The following ARHGAP44 variants were observed in gnomAD, a reference collection of about 807,000 sequenced individuals.
The protein encoded by ARHGAP44 is rho GTPase-activating protein 44.
Under a neutral mutation model 106.8 loss-of-function variants are expected in ARHGAP44, and 43 were observed. The ratio of observed to expected loss-of-function variants is 0.40; its 90% CI spans 0.32 to 0.52. ARHGAP44 has a LOEUF of 0.52. Ranked by LOEUF, ARHGAP44 falls within the 20% of genes least tolerant of loss-of-function variation. ARHGAP44 has a pLI of 0.48. For synonymous variants in ARHGAP44, 439 were observed against 410.3 expected (o/e 1.07, Z -0.85); for missense variants, 866 against 1,050.5 (o/e 0.82, Z 2.43).
intron 6 of ARHGAP44, among the ~76,000 whole-genome samples, chr17:12,924,439 C>G (rs1003042243): frequency 7.9e-5 from 12 of 152,134 alleles, no homozygotes; most frequent in Admixed American, 4.6e-4. Context: ...AAAGAAGGAG[C>G]CTAATTTTTC....
intron 1 of ARHGAP44, among the ~76,000 whole-genome samples, chr17:12,808,714 A>G (rs574178856): frequency 1.2e-4 from 18 of 152,288 alleles, no homozygotes; most frequent in Admixed American, 2.0e-4. Context: ...AAGACCTCTG[A>G]TATGCCCTGG....
intron 1 of ARHGAP44, among the ~76,000 whole-genome samples, chr17:12,861,657 T>TTTTTTTTTTTTTTTTTTC (rs1567654628): frequency 9.0e-5 from 1 of 11,138 alleles, no homozygotes; most frequent in Non-Finnish European, 2.3e-4. Flanking sequence ...TTTTTTTTTT[T>TTTTTTTTTTTTTTTTTTC]TGAGATGGAA....
chr17:12,989,101 C>CCCAA (rs1598173210), intron 20 of ARHGAP44, among the ~76,000 whole-genome samples: 5 of 45,162 alleles, frequency 1.1e-4, no homozygotes, highest in African/African-American at 2.6e-4. Flanking sequence ...CCACCCCCCC[C>CCCAA]AAAAAAAAAA....
intron 10 of ARHGAP44, among the ~76,000 whole-genome samples, chr17:12,947,679 T>C (rs142321098): frequency 2.8e-3 from 433 of 152,368 alleles, no homozygotes; most frequent in African/African-American, 0.01. Context: ...GGCTTATCTG[T>C]GACAGCTCTG....
At chr17:12,983,883 G>T (rs1391373144) in intron 19 of ARHGAP44, among the ~76,000 whole-genome samples, 1 of 152,178 alleles carries the variant, frequency 6.6e-6, no homozygotes, top group Non-Finnish European at 1.5e-5. Flanking sequence ...TAGACCAGCG[G>T]GTACAATTCT....
At position 12,980,076 on chromosome 17, in the gene ARHGAP44, A is replaced by T; in HGVS notation, c.1782A>T (p.Glu594Asp). 6.2e-7 allele frequency: 1 copy of T among 1,607,128 alleles called. No individual in the cohort carries two copies. Among genetic ancestry groups the T allele is most frequent in the Non-Finnish European group, 8.5e-7 (1 of 1,176,398 alleles). Reference protein sequence around the residue: ...PERTSTTKSKELSPGSAQKGS... With the variant: ...PERTSTTKSKDLSPGSAQKGS... ...GTTTCAGCACAACAAAAAGCAAGGA[A>T]CTTTCTCCAGGCTCTGCACAGAAAG... Residue 594 changes from glutamate to aspartate, a missense_variant, in exon 19 of 21, where the codon GAA becomes GAT. Transcript: ENST00000379672.
At chr17:12,878,917 A>G (rs1164571591) in intron 1 of ARHGAP44, among the ~76,000 whole-genome samples, 1 of 152,228 alleles carries the variant, frequency 6.6e-6, no homozygotes, top group Non-Finnish European at 1.5e-5. Flanking sequence ...TTTTCCTTCA[A>G]AGAAGAGAGC....
At chr17:12,903,711 A>G (rs1598028099) in intron 3 of ARHGAP44, among the ~76,000 whole-genome samples, 1 of 152,286 alleles carries the variant, frequency 6.6e-6, no homozygotes, top group East Asian at 1.9e-4. Context: ...AGTAGTGTAC[A>G]CTGTACCCAA....
intron 1 of ARHGAP44, among the ~76,000 whole-genome samples, chr17:12,849,594 T>TTTTTTTTTTTTTTG (rs11373135): frequency 2.7e-5 from 3 of 112,456 alleles, no homozygotes; most frequent in African/African-American, 4.4e-5. Context: ...TTTTTTTTTT[T>TTTTTTTTTTTTTTG]GCTTGGCTTC....
At chr17:12,920,985 G>A (rs372984094) in intron 6 of ARHGAP44, among the ~76,000 whole-genome samples, 17 of 152,262 alleles carry the variant, frequency 1.1e-4, no homozygotes, top group Non-Finnish European at 1.5e-4. Context: ...AGGCAGGTGC[G>A]TGAGTATTAA....
chr17:12,896,672 A>C (rs1429721161), intron 3 of ARHGAP44, among the ~76,000 whole-genome samples, 161 bp downstream of exon 3: 2 of 152,124 alleles, frequency 1.3e-5, no homozygotes, highest in Non-Finnish European at 2.9e-5. Context: ...CTGTGGGGTA[A>C]TGACCCTCCC....
chr17:12,853,280 A>G (rs1302334996), intron 1 of ARHGAP44, among the ~76,000 whole-genome samples: 7 of 152,126 alleles, frequency 4.6e-5, no homozygotes, highest in African/African-American at 1.7e-4. Flanking sequence ...AGCAAATATC[A>G]CTCAATATTA....
Position 12,989,278 on chromosome 17 carries a change from A to AT in ARHGAP44, c.2318-746dup, listed in dbSNP as rs58920583. ...GGGCGGCGGCTGCAGCAGCAAGGGGATTTTTTTTAACGTGGTGTGGCAAAG... is the reference window on the plus strand; with the variant it reads ...GGGCGGCGGCTGCAGCAGCAAGGGGATTTTTTTTTAACGTGGTGTGGCAAAG... On this transcript the variant is annotated intron_variant, in intron 20 of 20. Coordinates refer to ENST00000379672, the MANE Select transcript of ARHGAP44 (RefSeq NM_014859.6). Among the ~76,000 whole-genome samples, 1,528 of 151,582 alleles carry AT rather than the reference A, an allele frequency of 0.01. 76 individuals carry two copies. The East Asian group carries it at 0.15, about 15-fold the overall frequency.
At chr17:12,844,458 T>C (rs1450369867) in intron 1 of ARHGAP44, among the ~76,000 whole-genome samples, 1 of 152,214 alleles carries the variant, frequency 6.6e-6, no homozygotes, top group Non-Finnish European at 1.5e-5. Flanking sequence ...TCTGCCCTCA[T>C]GACCCAGTCA....
chr17:12,990,312 A>G lies in ARHGAP44; in HGVS notation c.*141A>G. 1 of 1,167,276 alleles carries G rather than the reference A, an allele frequency of 8.6e-7. No homozygotes were observed. The highest frequency in any genetic ancestry group is 1.5e-5 in the African/African-American group (1 of 65,146). The allele number at this position is 1,167,276 out of a possible 1,614,324, so 72.3% of individuals were successfully genotyped here. A position where few individuals can be genotyped will look rare whatever the true frequency, so the allele number is the denominator to read the frequency against. ...CCAACACGAGGTTGGAATTTGGCAG[A>G]AAATTGTGATCTCCAGTCCGTGTGG... On this transcript the variant is annotated 3_prime_UTR_variant, in exon 21 of 21. Transcript: ENST00000379672.
intron 18 of ARHGAP44, among the ~76,000 whole-genome samples, chr17:12,978,721 C>T (rs1465913295): frequency 1.4e-5 from 2 of 144,456 alleles, no homozygotes; most frequent in African/African-American, 5.1e-5. Flanking sequence ...CAGGGTCTCC[C>T]TCTGTTGCCC....
At chr17:12,791,081 C>T (rs1306424513) in intron 1 of ARHGAP44, among the ~76,000 whole-genome samples, 3 of 152,142 alleles carry the variant, frequency 2.0e-5, no homozygotes, top group Non-Finnish European at 2.9e-5. Context: ...ATCTGAACTC[C>T]CGTCTGAGCA....
chr17:12,831,414 T>C (rs1311064460), intron 1 of ARHGAP44, among the ~76,000 whole-genome samples: 1 of 152,156 alleles, frequency 6.6e-6, no homozygotes, highest in African/African-American at 2.4e-5. Flanking sequence ...ACTATGGCAG[T>C]AGGGAGGATG....
chr17:12,974,300 G>C lies in ARHGAP44; in HGVS notation c.1753G>C (p.Glu585Gln), dbSNP rs1022751681. The stretch of plus-strand genomic sequence containing the variant: ...CGGCCTGGGCCTCCAGCCTGGGCCC[G>C]AGCGCACCAGGTAAGCGCGGGCCAC... ...PSGLGLQPGPERTSTTKSKEL... is the reference protein window; with the variant it reads ...PSGLGLQPGPQRTSTTKSKEL... The change falls in exon 18 of 21, where the codon GAG becomes CAG. Residue 585 changes from glutamate to glutamine, a missense_variant. Physicochemically the swap from Glu to Gln is conservative, Grantham distance 29 (BLOSUM62 2). Around this residue, in one of 2 missense-constraint regions of ARHGAP44, gnomAD observed 418 missense variants for 403.6 expected, o/e 1.04. Coordinates refer to ENST00000379672, the MANE Select transcript of ARHGAP44 (RefSeq NM_014859.6). 7.0e-7 allele frequency: 1 copy of C among 1,433,402 alleles called. No homozygotes were observed. The highest frequency in any genetic ancestry group is 9.1e-7 in the Non-Finnish European group (1 of 1,100,912). 88.8% of individuals were successfully genotyped at this position (1,433,402 alleles called of 1,614,324 possible).
Sources: gnomAD v4.1 joint callset for allele counts (sites outside exome capture counted in the v4.1 genomes callset) on GRCh38, gnomAD v4.1.1 for gene constraint, gnomAD v4.1.1 regional missense constraint, MANE v1.5 for transcripts, NCBI Gene and HGNC (gene_info 2026-07-23, HGNC 2026-07-21) for gene names.